Variants in VAPB observed in about 807,000 individuals in gnomAD.
VAPB encodes the protein vesicle-associated membrane protein-associated protein B/C.
A neutral mutation model predicts 25.6 loss-of-function variants in VAPB; 7 were observed. The observed-to-expected ratio is 0.27, with a 90% CI of 0.16 to 0.51. VAPB has a LOEUF of 0.51. Among genes scored for constraint, VAPB ranks in the 20% least tolerant of loss-of-function variants. The pLI is 0.97. For synonymous variants in VAPB, 112 were observed against 109.2 expected (o/e 1.03, Z -0.16); for missense variants, 266 against 301.3 (o/e 0.88, Z 0.87).
chr20:58,427,201 T>C (rs1988811302), intron 2 of VAPB, among the ~76,000 whole-genome samples: 2 of 151,820 alleles, frequency 1.3e-5, no homozygotes, highest in African/African-American at 4.8e-5. Flanking sequence ...ACCATTATGA[T>C]GCAGGCGAAA....
In VAPB at chr20:58,448,290, G is replaced by A. The variant is rs1192944505; in HGVS notation, c.*4055G>A. 1.1e-5 allele frequency: 5 copies of A among 453,548 alleles called. No homozygotes were observed. Among genetic ancestry groups the A allele is most frequent in the Non-Finnish European group, 1.3e-5 (3 of 226,480 alleles). The allele number at this position is 453,548 out of a possible 1,614,324, so 28.1% of individuals were successfully genotyped here. A position where few individuals can be genotyped will look rare whatever the true frequency, so the allele number is the denominator to read the frequency against. ...CTCTGAGATCATGCTGGCCCTACGC[G>A]AATTGAGTTTCTGTGGCCTAATTGG... On this transcript the variant is annotated 3_prime_UTR_variant, in exon 6 of 6. Transcript: ENST00000475243.
chr20:58,438,137 C>T (rs1989087856), intron 3 of VAPB, among the ~76,000 whole-genome samples: 1 of 152,196 alleles, frequency 6.6e-6, no homozygotes, highest in South Asian at 2.1e-4. Flanking sequence ...AGCCCACACA[C>T]TGCCACAGTG....
intron 3 of VAPB, among the ~76,000 whole-genome samples, chr20:58,437,264 C>T (rs1017213053): frequency 4.6e-5 from 7 of 151,712 alleles, no homozygotes; most frequent in Non-Finnish European, 7.4e-5. Flanking sequence ...CTGCACCCTG[C>T]CCAAACTTTG....
chr20:58,410,406 C>T (rs936682729), intron 1 of VAPB, among the ~76,000 whole-genome samples: 2 of 151,808 alleles, frequency 1.3e-5, no homozygotes, highest in African/African-American at 2.4e-5. Flanking sequence ...TTATCAACAC[C>T]GTATTTATTT....
At chr20:58,398,910 TGG>T (rs1988028119) in intron 1 of VAPB, among the ~76,000 whole-genome samples, 1 of 151,398 alleles carries the variant, frequency 6.6e-6, no homozygotes, top group Non-Finnish European at 1.5e-5. Flanking sequence ...AAAAGATAAG[TGG>T]GAGTGTGCCC....
In VAPB at chr20:58,445,458, T is replaced by C. The variant is rs1381372301; in HGVS notation, c.*1223T>C. 1 of 454,330 alleles carries C rather than the reference T, an allele frequency of 2.2e-6. No individual in the cohort carries two copies. The highest frequency in any genetic ancestry group is 2.0e-5 in the African/African-American group (1 of 49,974). 28.1% of individuals were successfully genotyped at this position (454,330 alleles called of 1,614,324 possible). On this transcript the variant is annotated 3_prime_UTR_variant, in exon 6 of 6. Coordinates refer to ENST00000475243, the MANE Select transcript of VAPB (RefSeq NM_004738.5). ...CTAGTACTAGTTGAGAGTTTGACTG[T>C]GAATTAATTTTATGCCATAAAAGAC... is the stretch of plus-strand genomic sequence containing the variant.
intron 1 of VAPB, among the ~76,000 whole-genome samples, chr20:58,410,542 G>A (rs1289204706): frequency 1.3e-5 from 2 of 151,776 alleles, no homozygotes; most frequent in Admixed American, 6.6e-5. Context: ...TCAGCCCCCC[G>A]AGTTGCTGGG....
At chr20:58,426,391 C>T (rs555803872) in intron 2 of VAPB, among the ~76,000 whole-genome samples, 1 of 152,238 alleles carries the variant, frequency 6.6e-6, no homozygotes, top group African/African-American at 2.4e-5. Flanking sequence ...TTAGTGGATT[C>T]AGTCCTGGAA....
intron 1 of VAPB, 104 bp from the exon 2 acceptor site, chr20:58,418,107 G>T: frequency 2.0e-6 from 3 of 1,485,774 alleles, no homozygotes; most frequent in Non-Finnish European, 2.8e-6. Context: ...TGAGATAATC[G>T]TGGATCTCAA....
intron 1 of VAPB, among the ~76,000 whole-genome samples, chr20:58,416,761 A>AT (rs377235371): frequency 0.34 from 49,617 of 147,810 alleles, 8,400 homozygotes; most frequent in African/African-American, 0.35. Flanking sequence ...TATCAGATTG[A>AT]TTTTTTTTTT....
chr20:58,414,955 G>C (rs1176389161), intron 1 of VAPB, among the ~76,000 whole-genome samples: 2 of 152,396 alleles, frequency 1.3e-5, no homozygotes, highest in South Asian at 2.1e-4. Context: ...GAGTGAACGA[G>C]ACTCCGCCTG....
At chr20:58,435,260 A>T (rs966141700) in intron 3 of VAPB, among the ~76,000 whole-genome samples, 2 of 152,196 alleles carry the variant, frequency 1.3e-5, no homozygotes, top group African/African-American at 4.8e-5. Context: ...TTATAAAAGA[A>T]ATAAGTGATG....
intron 4 of VAPB, chr20:58,439,458 C>G (rs1193914811): frequency 4.8e-6 from 1 of 209,586 alleles, no homozygotes; most frequent in African/African-American, 2.3e-5. Flanking sequence ...CCCTATCTAC[C>G]TCTTCAATCA....
intron 1 of VAPB, among the ~76,000 whole-genome samples, chr20:58,394,871 AT>A (rs1987908454): frequency 6.6e-6 from 1 of 152,232 alleles, no homozygotes; most frequent in African/African-American, 2.4e-5. Context: ...CCAAGTGTGG[AT>A]TTACTAAAAT....
At chr20:58,412,576 C>CAAAAA (rs375713162) in intron 1 of VAPB, among the ~76,000 whole-genome samples, 8 of 90,788 alleles carry the variant, frequency 8.8e-5, no homozygotes, top group Non-Finnish European at 1.7e-4. Context: ...GACTCTGTCT[C>CAAAAA]AAAAAAAAAA....
chr20:58,448,260 A>G lies in VAPB; in HGVS notation c.*4025A>G, dbSNP rs1989344499. 2.2e-6 allele frequency: 1 copy of G among 453,954 alleles called. No individual in the cohort carries two copies. The highest frequency in any genetic ancestry group is 4.4e-6 in the Non-Finnish European group (1 of 226,794). 28.1% of individuals were successfully genotyped at this position (453,954 alleles called of 1,614,324 possible). A position where few individuals can be genotyped will look rare whatever the true frequency, so the allele number is the denominator to read the frequency against. On this transcript the variant is annotated 3_prime_UTR_variant, in exon 6 of 6. Transcript: ENST00000475243. ...ACGACCACTCTTCTGGAACACCAAG[A>G]GCAGCTCTGAGATCATGCTGGCCCT...
In VAPB at chr20:58,436,159, A is replaced by G. The variant is rs531163848; in HGVS notation, c.315+1454A>G. On this transcript the variant is annotated intron_variant, in intron 3 of 5. Transcript: ENST00000475243. ...GTCACTGCATATCTAGTAAAGGGTC[A>G]TTTTAGTTCCTTGTATGATGATATA... Among the ~76,000 whole-genome samples the G allele has an allele frequency of 2.0e-5, 3 of 152,192 alleles. No homozygotes were observed. The East Asian group carries it at 5.8e-4, about 29-fold the overall frequency.
At chr20:58,437,721 T>C (rs978455420) in intron 3 of VAPB, among the ~76,000 whole-genome samples, 6 of 152,230 alleles carry the variant, frequency 3.9e-5, no homozygotes, top group African/African-American at 1.4e-4. Flanking sequence ...ATTTTTTCAC[T>C]TAACATTCTG....
chr20:58,430,730 C>T (rs1224921472), intron 2 of VAPB, among the ~76,000 whole-genome samples: 1 of 152,048 alleles, frequency 6.6e-6, no homozygotes, highest in Non-Finnish European at 1.5e-5. Flanking sequence ...CATGCACCAC[C>T]ACACCCAGAT....
Sources: gnomAD v4.1 joint callset for allele counts (sites outside exome capture counted in the v4.1 genomes callset) on GRCh38, gnomAD v4.1.1 for gene constraint, MANE v1.5 for transcripts, NCBI Gene and HGNC (gene_info 2026-07-23, HGNC 2026-07-21) for gene names.